Variants in LOXHD1 observed in about 807,000 individuals in gnomAD.
LOXHD1 encodes the protein lipoxygenase homology domain-containing protein 1.
A neutral mutation model predicts 248.2 loss-of-function variants in LOXHD1; 205 were observed. That is an observed-to-expected ratio of 0.83 (90% CI 0.74 to 0.93). The LOEUF (loss-of-function observed/expected upper bound fraction) is 0.93, where lower values mean the gene tolerates loss of function less well. Ranked by LOEUF, LOXHD1 falls within the 40% of genes least tolerant of loss-of-function variation. The probability of loss-of-function intolerance (pLI) is 0.00; values close to 1 mark genes in which losing one functional copy is unlikely to be tolerated. For synonymous variants in LOXHD1, 1,113 were observed against 1,162.8 expected (o/e 0.96, Z 0.87); for missense variants, 2,930 against 2,971.6 (o/e 0.99, Z 0.33).
At chr18:46,608,072 A>G (rs12959695) in intron 6 of LOXHD1, among the ~76,000 whole-genome samples, 2,026 of 37,648 alleles carry the variant, frequency 0.054, 15 homozygotes, top group East Asian at 0.18. Flanking sequence ...AAGGAAGGAA[A>G]GAAGGAAGGG....
rs201212766 is a variant in LOXHD1 at position 46,656,370 on chromosome 18, G to A, written c.130+534C>T. 6.4e-4 allele frequency among the ~76,000 whole-genome samples: 98 copies of A among 152,342 alleles called. 1 individual carries two copies. The highest frequency in any genetic ancestry group is 5.8e-4 in the East Asian group (3 of 5,186). On this transcript the variant is annotated intron_variant, in intron 1 of 40. Coordinates refer to ENST00000642948, the MANE Select transcript of LOXHD1 (RefSeq NM_001384474.1). Reference sequence around the variant, plus strand: ...TCAAGCAGGTCTCATGTGGCCCAGGGAAAGATGAGACTAGAAGGACAAGGC... The same window carrying A: ...TCAAGCAGGTCTCATGTGGCCCAGGAAAAGATGAGACTAGAAGGACAAGGC...
At chr18:46,534,898 C>A (rs2036241057) in intron 26 of LOXHD1, among the ~76,000 whole-genome samples, 1 of 152,198 alleles carries the variant, frequency 6.6e-6, no homozygotes, top group African/African-American at 2.4e-5. Context: ...TTTCTGTGCT[C>A]CCACATAGAA....
chr18:46,549,771 A>T (rs1263029588), intron 21 of LOXHD1, among the ~76,000 whole-genome samples: 1 of 152,248 alleles, frequency 6.6e-6, no homozygotes, highest in Non-Finnish European at 1.5e-5. Flanking sequence ...ATATTCAAGA[A>T]TGGTATCTGT....
At chr18:46,514,997 C>T (rs1270066272) in intron 34 of LOXHD1, among the ~76,000 whole-genome samples, 5 of 152,190 alleles carry the variant, frequency 3.3e-5, no homozygotes, top group Admixed American at 2.0e-4. Flanking sequence ...CATATTAATT[C>T]ACCAGCATCT....
chr18:46,485,168 G>A lies in LOXHD1; in HGVS notation c.6050-17C>T. On this transcript the variant is annotated splice_polypyrimidine_tract_variant and intron_variant, in intron 38 of 40. Coordinates refer to ENST00000642948, the MANE Select transcript of LOXHD1 (RefSeq NM_001384474.1). The stretch of plus-strand genomic sequence containing the variant: ...TCTCGTAGGCTGTAATGGAGGAGGT[G>A]GGGGAGGGTCAGCACAGGGGAAGCA... The A allele has an allele frequency of 1.3e-6, 2 of 1,547,206 alleles. No homozygotes were observed. The highest frequency in any genetic ancestry group is 1.2e-5 in the South Asian group (1 of 83,712).
At chr18:46,582,177 A>G (rs2037976796) in intron 12 of LOXHD1, among the ~76,000 whole-genome samples, 1 of 152,236 alleles carries the variant, frequency 6.6e-6, no homozygotes, top group Non-Finnish European at 1.5e-5. Context: ...TTTTCTTCTC[A>G]TATCTCATAT....
intron 1 of LOXHD1, among the ~76,000 whole-genome samples, chr18:46,654,433 C>T (rs1362893227): frequency 6.6e-6 from 1 of 152,206 alleles, no homozygotes; most frequent in South Asian, 2.1e-4. Flanking sequence ...AGGGTGGCCT[C>T]TGAGGCCCCC....
Position 46,524,500 on chromosome 18 carries a change from G to T in LOXHD1, c.4842C>A (p.Thr1614=), listed in dbSNP as rs779714173. 6.4e-7 allele frequency: 1 copy of T among 1,551,724 alleles called. No homozygotes were observed. The highest frequency in any genetic ancestry group is 8.7e-7 in the Non-Finnish European group (1 of 1,146,986). ...KMADVDISTV[T]GPMADYVQEG... Reference sequence around the variant, plus strand: ...CTTGAACGTAGTCAGCCATGGGCCCGGTCACTGTGCTGATGTCGACATCGG... The same window carrying T: ...CTTGAACGTAGTCAGCCATGGGCCCTGTCACTGTGCTGATGTCGACATCGG... Residue 1614 remains threonine (T), a synonymous_variant, in exon 31 of 41, where the codon ACC becomes ACA. Coordinates refer to ENST00000642948, the MANE Select transcript of LOXHD1 (RefSeq NM_001384474.1).
intron 14 of LOXHD1, among the ~76,000 whole-genome samples, chr18:46,572,535 A>T (rs1449335620): frequency 6.6e-6 from 1 of 152,202 alleles, no homozygotes; most frequent in African/African-American, 2.4e-5. Context: ...TGCAGTGAAC[A>T]ACAGGTAGAG....
intron 34 of LOXHD1, among the ~76,000 whole-genome samples, chr18:46,515,387 G>A (rs1450961730): frequency 1.3e-5 from 2 of 152,010 alleles, no homozygotes; most frequent in Non-Finnish European, 2.9e-5. Flanking sequence ...ATCAAAACAT[G>A]TCTCGGGTAA....
intron 37 of LOXHD1, among the ~76,000 whole-genome samples, chr18:46,504,687 T>C (rs187602804): frequency 5.3e-5 from 8 of 152,340 alleles, no homozygotes; most frequent in African/African-American, 1.9e-4. Context: ...GGTTGCAAAC[T>C]ACCGAGTTGG....
At chr18:46,532,994 G>A (rs571272979) in intron 28 of LOXHD1, among the ~76,000 whole-genome samples, 168 bp downstream of exon 28, 23 of 152,318 alleles carry the variant, frequency 1.5e-4, no homozygotes, top group African/African-American at 5.5e-4. Flanking sequence ...GTGCACTTAG[G>A]CAGATTATGC....
At chr18:46,495,481 A>G (rs1255775368) in intron 37 of LOXHD1, among the ~76,000 whole-genome samples, 2 of 152,222 alleles carry the variant, frequency 1.3e-5, no homozygotes, top group Non-Finnish European at 2.9e-5. Flanking sequence ...GGATGAGTCC[A>G]TTAGATGAAG....
At chr18:46,520,692 A>C (rs2035533202) in intron 33 of LOXHD1, 1 of 242,182 alleles carries the variant, frequency 4.1e-6, no homozygotes, top group African/African-American at 2.3e-5. Context: ...TCACCACTCT[A>C]CTGCTGTTGA....
intron 2 of LOXHD1, among the ~76,000 whole-genome samples, chr18:46,645,487 C>A (rs777139590): frequency 3.3e-5 from 5 of 152,188 alleles, no homozygotes; most frequent in African/African-American, 1.2e-4. Flanking sequence ...ATGTTCCAGA[C>A]GATACATGAG....
chr18:46,494,173 T>C (rs556370781), intron 37 of LOXHD1, among the ~76,000 whole-genome samples: 1 of 152,362 alleles, frequency 6.6e-6, no homozygotes, highest in South Asian at 2.1e-4. Flanking sequence ...GTCATGACTA[T>C]GCACTAACTT....
At chr18:46,555,156 G>A (rs2037270243) in intron 21 of LOXHD1, 1 of 471,130 alleles carries the variant, frequency 2.1e-6, no homozygotes, top group Non-Finnish European at 4.4e-6. Flanking sequence ...AGCTGGGGAT[G>A]TTCACAGTTT....
rs1568137448 is a variant in LOXHD1 at position 46,524,899 on chromosome 18, C to CA, written c.4548_4549insT (p.Glu1517Ter). 1 of 1,551,676 alleles carries CA rather than the reference C, an allele frequency of 6.4e-7. No individual in the cohort carries two copies. The highest frequency in any genetic ancestry group is 2.0e-5 in the Admixed American group (1 of 51,010). ...TAGATGACGCCTAGGTCAGCGGCCT[C>CA]GATGATGAAGGTGTCAGCCTGGGGA... On this transcript the variant is annotated frameshift_variant, in exon 30 of 41. Coordinates refer to ENST00000642948, the MANE Select transcript of LOXHD1 (RefSeq NM_001384474.1). LOFTEE classifies it high-confidence loss of function.
At position 46,604,139 on chromosome 18, in the gene LOXHD1, T is replaced by C; in HGVS notation, c.850A>G (p.Arg284Gly). The change falls in exon 7 of 41, where the codon AGG (arginine) becomes GGG (glycine). Residue 284 changes from arginine to glycine, a missense_variant. Coordinates refer to ENST00000642948, the MANE Select transcript of LOXHD1 (RefSeq NM_001384474.1). ...TCAGCTCCGCCCACTAAGATATCCCTTTGGATTTTGCCATCGTCTTCGTCC... is the reference window on the plus strand; with the variant it reads ...TCAGCTCCGCCCACTAAGATATCCCCTTGGATTTTGCCATCGTCTTCGTCC... ...ALDEDDGKIQ[R>G]DILVGGAETT... is the part of the protein sequence containing the mutation. 1 of 1,551,726 alleles carries C rather than the reference T, an allele frequency of 6.4e-7. No homozygotes were observed. Among genetic ancestry groups the C allele is most frequent in the South Asian group, 1.2e-5 (1 of 84,064 alleles).
Sources: allele counts gnomAD v4.1 joint callset (sites outside exome capture counted in the v4.1 genomes callset), GRCh38; gene constraint gnomAD v4.1.1; transcripts MANE v1.5; gene names NCBI Gene and HGNC (gene_info 2026-07-23, HGNC 2026-07-21).